The following ZNF18 variants were observed in gnomAD, a reference collection of about 807,000 sequenced individuals.
ZNF18 encodes zinc finger protein 18.
In ZNF18, 42 loss-of-function variants were observed where a neutral mutation model predicts 58.1. That is an observed-to-expected ratio of 0.72 (90% confidence interval 0.56 to 0.93). ZNF18 has a LOEUF of 0.93. Among genes scored for constraint, ZNF18 ranks in the 40% least tolerant of loss-of-function variants. The pLI is 0.00. For missense variants in ZNF18, 540 were observed against 644.2 expected (o/e 0.84, Z 1.75); for synonymous variants, 231 against 239.8 (o/e 0.96, Z 0.34).
At chr17:12,008,925 A>C in the ZNF18 span, among the ~76,000 whole-genome samples, 149 of 152,340 alleles carry the variant, frequency 9.8e-4, no homozygotes, top group Non-Finnish European at 1.9e-3. Context: ...ACTATATCCC[A>C]AAAACCAAAA....
At position 11,990,865 on chromosome 17, in the gene ZNF18, C is replaced by T. The variant is rs2151482510; in HGVS notation, c.577+109G>A. The T allele has an allele frequency of 3.9e-6, 5 of 1,277,640 alleles. No homozygotes were observed. The South Asian group carries it at 5.7e-5, about 15-fold the overall frequency. 79.1% of individuals were successfully genotyped at this position (1,277,640 alleles called of 1,614,324 possible). Reference sequence around the variant, plus strand: ...TATTTAGGTCTAACCTGTTTGCAAACCTCTCAGGGATACGCCAATCTGAGC... The same window carrying T: ...TATTTAGGTCTAACCTGTTTGCAAATCTCTCAGGGATACGCCAATCTGAGC... On this transcript the variant is annotated intron_variant, in intron 3 of 6. Transcript: ENST00000580306.
At chr17:11,998,055 TTCTCTC>T (rs145467794), upstream of ZNF18, among the ~76,000 whole-genome samples, 3 of 150,504 alleles carry the variant, frequency 2.0e-5, no homozygotes, top group Non-Finnish European at 3.0e-5. Flanking sequence ...TCTCTCTCTC[TTCTCTC>T]TCTCTCTCTC....
chr17:12,011,394 A>T, the ZNF18 span: 21 of 173,962 alleles, frequency 1.2e-4, no homozygotes, highest in African/African-American at 2.9e-4. Context: ...TTTTATTATT[A>T]TTTTTTTTTG....
intron 1 of ZNF18, among the ~76,000 whole-genome samples, chr17:11,994,912 C>T (rs1308173794): frequency 1.3e-5 from 2 of 152,118 alleles, no homozygotes; most frequent in African/African-American, 4.8e-5. Flanking sequence ...AAGTGAATCA[C>T]CATAAAGGTG....
chr17:11,984,479 G>C (rs770786602), intron 4 of ZNF18, among the ~76,000 whole-genome samples: 8 of 151,614 alleles, frequency 5.3e-5, no homozygotes, highest in Non-Finnish European at 1.0e-4. Context: ...AACGTATAGA[G>C]GGCAGGAGCC....
the ZNF18 span, among the ~76,000 whole-genome samples, chr17:12,018,792 G>A: frequency 6.6e-6 from 1 of 151,984 alleles, no homozygotes; most frequent in African/African-American, 2.4e-5. Context: ...CAACAGCAAT[G>A]CAAGTATATG....
chr17:11,989,612 G>A (rs1967971366), intron 4 of ZNF18, among the ~76,000 whole-genome samples: 1 of 152,182 alleles, frequency 6.6e-6, no homozygotes, highest in African/African-American at 2.4e-5. Context: ...ATTAACAGCA[G>A]ATTAGATGCT....
chr17:11,985,394 C>A (rs768080044), intron 4 of ZNF18, among the ~76,000 whole-genome samples: 8 of 152,198 alleles, frequency 5.3e-5, no homozygotes, highest in Non-Finnish European at 1.0e-4. Context: ...GCTGTGCAAC[C>A]TTGAGCAAGT....
At position 11,990,492 on chromosome 17, in the gene ZNF18, G is replaced by A. The variant is rs764653308; in HGVS notation, c.636C>T (p.Leu212=). The A allele has an allele frequency of 4.3e-6, 7 of 1,612,902 alleles. No homozygotes were observed. The highest frequency in any genetic ancestry group is 3.3e-5 in the Admixed American group (2 of 59,920). Residue 212 remains leucine (L), a synonymous_variant, in exon 4 of 7, where the codon CTC becomes CTT. Coordinates refer to ENST00000580306, the MANE Select transcript of ZNF18 (RefSeq NM_001303281.2). ...LEERLIRDQD[L]GASLLPAAPQ... Reference sequence around the variant, plus strand: ...GTGCTGCTGGGAGCAGTGAGGCTCCGAGGTCCTGGTCTCTGATCAGCCTTT... The same window carrying A: ...GTGCTGCTGGGAGCAGTGAGGCTCCAAGGTCCTGGTCTCTGATCAGCCTTT...
chr17:11,992,144 G>T (rs1053715237), intron 2 of ZNF18, among the ~76,000 whole-genome samples: 1 of 152,180 alleles, frequency 6.6e-6, no homozygotes, highest in Non-Finnish European at 1.5e-5. Flanking sequence ...TTGAAGAGAA[G>T]ACTGTGGGAA....
intron 1 of ZNF18, among the ~76,000 whole-genome samples, chr17:11,994,776 G>A (rs576982794): frequency 6.6e-6 from 1 of 152,068 alleles, no homozygotes; most frequent in Admixed American, 6.5e-5. Context: ...GGGAGGCAGA[G>A]CTTGCAGTGA....
intron 4 of ZNF18, among the ~76,000 whole-genome samples, chr17:11,986,864 A>C (rs1967779625): frequency 1.3e-5 from 2 of 152,190 alleles, no homozygotes; most frequent in Non-Finnish European, 2.9e-5. Flanking sequence ...GCAGAAAAGG[A>C]TACAGCCACC....
chr17:12,020,961 G>A, the ZNF18 span: 2 of 1,215,448 alleles, frequency 1.6e-6, no homozygotes, highest in African/African-American at 1.6e-5. Flanking sequence ...GCCCCGTAGG[G>A]TCCCCGGCGC....
chr17:12,017,128 T>C, the ZNF18 span, among the ~76,000 whole-genome samples: 11 of 151,316 alleles, frequency 7.3e-5, no homozygotes, highest in African/African-American at 2.4e-4. Flanking sequence ...AACCTGGAGG[T>C]AGGGGTTGTA....
chr17:12,021,083 C>A, the ZNF18 span: 1 of 847,220 alleles, frequency 1.2e-6, no homozygotes, highest in South Asian at 5.9e-5. Flanking sequence ...CGGACGCCCC[C>A]GGACCCGGCT....
intron 1 of ZNF18, among the ~76,000 whole-genome samples, chr17:11,993,344 TAGG>T (rs1423468387): frequency 1.3e-5 from 2 of 152,106 alleles, no homozygotes; most frequent in African/African-American, 4.8e-5. Context: ...CTGTAATAAA[TAGG>T]AGGTTAAAGA....
the ZNF18 span, among the ~76,000 whole-genome samples, chr17:12,008,457 G>C: frequency 6.6e-6 from 1 of 152,208 alleles, no homozygotes; most frequent in East Asian, 1.9e-4. Context: ...GCCTCAGCCT[G>C]TCAAGTAGCT....
chr17:12,018,526 C>T, the ZNF18 span, among the ~76,000 whole-genome samples: 1 of 152,166 alleles, frequency 6.6e-6, no homozygotes, highest in Non-Finnish European at 1.5e-5. Context: ...CCTCATTTTA[C>T]TTTAAAGACC....
the ZNF18 span, chr17:12,020,881 C>T: frequency 3.3e-6 from 4 of 1,207,610 alleles, no homozygotes; most frequent in Non-Finnish European, 4.1e-6. Flanking sequence ...CTCTTCACTC[C>T]CAACAATGGC....
Sources: allele counts gnomAD v4.1 joint callset (sites outside exome capture counted in the v4.1 genomes callset), GRCh38; gene constraint gnomAD v4.1.1; transcripts MANE v1.5; gene names NCBI Gene and HGNC (gene_info 2026-07-23, HGNC 2026-07-21).